Variants in LAMC2 observed in about 807,000 individuals in gnomAD.
LAMC2 encodes the protein laminin subunit gamma-2.
A neutral mutation model predicts 140.2 loss-of-function variants in LAMC2; 97 were observed. That is an observed-to-expected ratio of 0.69 (90% confidence interval 0.59 to 0.82). The LOEUF is 0.82. Among genes scored for constraint, LAMC2 ranks in the 40% least tolerant of loss-of-function variants. LAMC2 has a pLI of 0.00. For synonymous variants in LAMC2, 513 were observed against 540.2 expected (o/e 0.95, Z 0.70); for missense variants, 1,402 against 1,476.1 (o/e 0.95, Z 0.82).
At chr1:183,256,176 G>A in the LAMC2 span, among the ~76,000 whole-genome samples, 1 of 152,178 alleles carries the variant, frequency 6.6e-6, no homozygotes, top group Non-Finnish European at 1.5e-5. Context: ...GGGAGGCTGA[G>A]GCAGGCAGAT....
chr1:183,227,472 C>G, intron 9 of LAMC2, 43 bp from the exon 10 acceptor site: 1 of 1,535,608 alleles, frequency 6.5e-7, no homozygotes, highest in Non-Finnish European at 9.0e-7. Context: ...TATTGTCTGA[C>G]CCTGCTCACT....
At chr1:183,234,881 T>G (rs904680544) in intron 15 of LAMC2, among the ~76,000 whole-genome samples, 2 of 152,160 alleles carry the variant, frequency 1.3e-5, no homozygotes, top group African/African-American at 4.8e-5. Context: ...AAACCGGCTC[T>G]GCAGGGCCCC....
intron 1 of LAMC2, among the ~76,000 whole-genome samples, chr1:183,200,469 T>C (rs1658672192): frequency 6.6e-6 from 1 of 152,138 alleles, no homozygotes; most frequent in South Asian, 2.1e-4. Flanking sequence ...AAATTTCTCG[T>C]AATTGTATGC....
rs138929090 is a variant in LAMC2, at chr1:183,226,761, C to A, written c.1130C>A (p.Pro377His). Residue 377 changes from proline to histidine, a missense_variant, in exon 9 of 23, where the codon CCC becomes CAC. Physicochemically the swap from Pro to His is moderately conservative, Grantham distance 77 (BLOSUM62 -2). Transcript: ENST00000264144. The part of the protein sequence containing the change: ...SARPVSGAPA[P>H]WVEQCICPVG... ...CGCCCTGTCTCTGGAGCCCCAGCAC[C>A]CTGGGTTGAACAGTGTATATGTCCT... The A allele has an allele frequency of 3.7e-6, 6 of 1,614,184 alleles. No homozygotes were observed. Among genetic ancestry groups the A allele is most frequent in the Non-Finnish European group, 5.1e-6 (6 of 1,180,032 alleles).
intron 18 of LAMC2, 50 bp downstream of exon 18, chr1:183,237,554 C>T (rs1660005106): frequency 6.9e-7 from 1 of 1,455,160 alleles, no homozygotes; most frequent in Non-Finnish European, 9.6e-7. Flanking sequence ...TGAATGCCCA[C>T]CATATGAATA....
chr1:183,243,024 G>T, intron 22 of LAMC2, 123 bp from the exon 23 acceptor site: 2 of 1,019,480 alleles, frequency 2.0e-6, no homozygotes, highest in Non-Finnish European at 3.0e-6. Flanking sequence ...AAAATTCATG[G>T]TATACTATTT....
the LAMC2 span, among the ~76,000 whole-genome samples, chr1:183,258,278 A>G: frequency 6.6e-6 from 1 of 152,216 alleles, no homozygotes; most frequent in Non-Finnish European, 1.5e-5. Flanking sequence ...ATACGCCTCC[A>G]CATACGTAGA....
chr1:183,197,633 G>C (rs1237700752), intron 1 of LAMC2, among the ~76,000 whole-genome samples: 1 of 151,280 alleles, frequency 6.6e-6, no homozygotes, highest in East Asian at 1.9e-4. Context: ...CCGAGATCGT[G>C]CTACTGCACT....
rs540905658 is a variant in LAMC2 at position 183,243,170 on chromosome 1, G to C, written c.3352G>C (p.Glu1118Gln). The change falls in exon 23 of 23, where the codon GAG (glutamate) becomes CAG (glutamine). Residue 1118 changes from glutamate to glutamine, a missense_variant. Glu to Gln is a conservative substitution (Grantham distance 29). Coordinates refer to ENST00000264144, the MANE Select transcript of LAMC2 (RefSeq NM_005562.3). Reference protein sequence around the residue: ...LMDQPLSVDEEGLVLLEQKLS... With the variant: ...LMDQPLSVDEQGLVLLEQKLS... Reference sequence around the variant, plus strand: ...AGACCAGCCTCTCAGTGTAGATGAAGAGGGGCTGGTCTTACTGGAGCAGAA... The same window carrying C: ...AGACCAGCCTCTCAGTGTAGATGAACAGGGGCTGGTCTTACTGGAGCAGAA... The C allele has an allele frequency of 1.9e-6, 3 of 1,606,980 alleles. No individual in the cohort carries two copies. The highest frequency in any genetic ancestry group is 2.7e-5 in the African/African-American group (2 of 73,628).
the LAMC2 span, chr1:183,252,503 C>A: frequency 1.6e-6 from 1 of 611,500 alleles, no homozygotes; most frequent in Non-Finnish European, 3.1e-6. Flanking sequence ...CTCTGCAGGT[C>A]CCCCACACTA....
chr1:183,227,680 G>T lies in LAMC2; in HGVS notation c.1451G>T (p.Cys484Phe). ...PETEEVVCNN[C>F]PPGVTGARCE... ...ACGGAGGAGGTGGTGTGCAATAACTGCCCTCCCGGGGTCACCGGTAAGGCC... is the reference window on the plus strand; with the variant it reads ...ACGGAGGAGGTGGTGTGCAATAACTTCCCTCCCGGGGTCACCGGTAAGGCC... Residue 484 changes from cysteine (C) to phenylalanine (F), a missense_variant, in exon 10 of 23, where the codon TGC becomes TTC. By Grantham distance (205) the Cys-to-Phe change is radical (BLOSUM62 -2). Around this residue, in one of 3 missense-constraint regions of LAMC2, gnomAD observed 723 missense variants for 783.3 expected, o/e 0.92. Transcript: ENST00000264144. The T allele has an allele frequency of 6.2e-7, 1 of 1,614,156 alleles. No homozygotes were observed. The highest frequency in any genetic ancestry group is 8.5e-7 in the Non-Finnish European group (1 of 1,180,030).
intron 20 of LAMC2, 67 bp downstream of exon 20, chr1:183,239,630 A>C: frequency 7.2e-7 from 1 of 1,387,016 alleles, no homozygotes. Flanking sequence ...TGGAGGGAAA[A>C]AGAACATTGA....
chr1:183,239,806 T>C lies in LAMC2; in HGVS notation c.3070-234T>C, dbSNP rs1571542148. ...GTTCAACATTTGGTGAGCATTGAAC[T>C]GAGAGAGAAGCACTGTCTGGCCGCT... On this transcript the variant is annotated intron_variant, in intron 20 of 22. Transcript: ENST00000264144. 4 of 643,606 alleles carry C rather than the reference T, an allele frequency of 6.2e-6. No individual in the cohort carries two copies. The East Asian group carries it at 8.2e-5, about 13-fold the overall frequency. The allele number at this position is 643,606 out of a possible 1,614,324, so 39.9% of individuals were successfully genotyped here.
At chr1:183,224,455 T>G (rs1363666101) in intron 7 of LAMC2, among the ~76,000 whole-genome samples, 1 of 152,092 alleles carries the variant, frequency 6.6e-6, no homozygotes, top group East Asian at 1.9e-4. Flanking sequence ...TCAAGAAGTG[T>G]GATCGTCAGG....
In LAMC2 at chr1:183,215,389, C is replaced by T. The variant is rs2274981; in HGVS notation, c.269-64C>T. 339,364 of 1,589,950 alleles carry T rather than the reference C, an allele frequency of 0.21. 40,803 individuals are homozygous for T. The highest frequency in any genetic ancestry group is 0.39 in the African/African-American group (29,053 of 74,356). On this transcript the variant is annotated intron_variant, in intron 2 of 22. Transcript: ENST00000264144. ...GCACCCATAGGGTGATAGTTGCTTCCAATGCCGCATACATTAAAATATTTC... is the reference window on the plus strand; with the variant it reads ...GCACCCATAGGGTGATAGTTGCTTCTAATGCCGCATACATTAAAATATTTC...
chr1:183,208,700 G>A (rs1041600132), intron 2 of LAMC2, among the ~76,000 whole-genome samples: 1 of 152,130 alleles, frequency 6.6e-6, no homozygotes, highest in Admixed American at 6.5e-5. Context: ...GTTTTTTTGA[G>A]ACAGGGTCTC....
At chr1:183,252,744 C>T in the LAMC2 span, 1 of 1,612,490 alleles carries the variant, frequency 6.2e-7, no homozygotes, top group Non-Finnish European at 8.5e-7. Flanking sequence ...CAGGGCCAGC[C>T]TGCACAAGAA....
chr1:183,217,419 C>G (rs1659306350), intron 3 of LAMC2, among the ~76,000 whole-genome samples: 1 of 152,176 alleles, frequency 6.6e-6, no homozygotes, highest in African/African-American at 2.4e-5. Context: ...AGCAATTCCA[C>G]TCCTAGGTAT....
intron 22 of LAMC2, among the ~76,000 whole-genome samples, chr1:183,242,162 G>A (rs1207077809): frequency 1.3e-5 from 2 of 152,150 alleles, no homozygotes; most frequent in Non-Finnish European, 2.9e-5. Flanking sequence ...AGTAACTCAT[G>A]CCACCTTCCC....
Sources: allele counts gnomAD v4.1 joint callset (sites outside exome capture counted in the v4.1 genomes callset), GRCh38; gene constraint gnomAD v4.1.1; regional missense constraint gnomAD v4.1.1; transcripts MANE v1.5; gene names NCBI Gene and HGNC (gene_info 2026-07-23, HGNC 2026-07-21).